Variants in SHE observed in about 807,000 individuals in gnomAD.
The protein encoded by SHE is Src homology 2 domain containing E.
Under a neutral mutation model 49.8 loss-of-function variants are expected in SHE, and 11 were observed. The ratio of observed to expected loss-of-function variants is 0.22; its 90% CI spans 0.14 to 0.37. The LOEUF is 0.37. SHE is among the 10% of genes least tolerant of loss of function. The pLI is 1.00. For synonymous variants in SHE, 310 were observed against 278.1 expected, an observed-to-expected ratio of 1.11 and a Z score of -1.14; for missense variants, 624 against 655.5, an observed-to-expected ratio of 0.95 and a Z score of 0.52.
At position 154,480,426 on chromosome 1, in the gene SHE, A is replaced by G; in HGVS notation, c.*3723T>C. 2.0e-6 allele frequency: 2 copies of G among 985,440 alleles called. No homozygotes were observed. The highest frequency in any genetic ancestry group is 2.4e-6 in the Non-Finnish European group (2 of 829,932). 61.0% of individuals were successfully genotyped at this position (985,440 alleles called of 1,614,324 possible). ...AGAATGCCTCACAGTTATTCTTCTG[A>G]ATATCAAGATGCATCCAGTAACAAC... On this transcript the variant is annotated 3_prime_UTR_variant, in exon 6 of 6. Transcript: ENST00000304760.
chr1:154,500,749 T>C (rs2149301354), intron 1 of SHE, among the ~76,000 whole-genome samples: 1 of 152,302 alleles, frequency 6.6e-6, no homozygotes, highest in East Asian at 1.9e-4. Context: ...AGTGTGTCCG[T>C]CGCAGGAAAC....
chr1:154,484,106 C>T lies in SHE; in HGVS notation c.*43G>A, dbSNP rs767970749. The T allele has an allele frequency of 1.3e-6, 2 of 1,590,652 alleles. No individual in the cohort carries two copies. The highest frequency in any genetic ancestry group is 1.7e-6 in the Non-Finnish European group (2 of 1,164,380). On this transcript the variant is annotated 3_prime_UTR_variant, in exon 6 of 6. Transcript: ENST00000304760. The stretch of plus-strand genomic sequence containing the variant: ...AGATGCTGGTTGTGCGCTGATGATG[C>T]CCTTGAAGGTGCCAGAGGCCCAGGG...
chr1:154,488,875 G>A (rs955630540), intron 3 of SHE, among the ~76,000 whole-genome samples, 176 bp downstream of exon 3: 6 of 152,232 alleles, frequency 3.9e-5, no homozygotes, highest in Non-Finnish European at 5.9e-5. Context: ...GCAAGCCACC[G>A]TGCCCAGCCA....
intron 1 of SHE, among the ~76,000 whole-genome samples, chr1:154,472,766 C>A (rs1220166367): frequency 6.6e-6 from 1 of 152,138 alleles, no homozygotes; most frequent in African/African-American, 2.4e-5. Context: ...AACTAGAAAA[C>A]AAAAATCTAT....
At chr1:154,477,710 G>A (rs947730251), downstream of SHE, among the ~76,000 whole-genome samples, 38 of 151,868 alleles carry the variant, frequency 2.5e-4, no homozygotes, top group Admixed American at 2.2e-3. Flanking sequence ...GGCCAACATG[G>A]TGAAACCCCG....
intron 2 of SHE, among the ~76,000 whole-genome samples, chr1:154,495,464 G>GT (rs1484005904): frequency 6.6e-6 from 1 of 152,068 alleles, no homozygotes; most frequent in Non-Finnish European, 1.5e-5. Flanking sequence ...ACTTTTAAAA[G>GT]TTAAGAGCAA....
Position 154,479,768 on chromosome 1 carries a change from G to A in SHE, c.*4381C>T. 3.0e-6 allele frequency: 3 copies of A among 985,376 alleles called. No homozygotes were observed. The highest frequency in any genetic ancestry group is 3.6e-6 in the Non-Finnish European group (3 of 829,922). 61.0% of individuals were successfully genotyped at this position (985,376 alleles called of 1,614,324 possible). ...GCCTGTTTCAATGATTCTGTTGCCA[G>A]CATATTAATTAAAATACAATTTGAG... is the stretch of plus-strand genomic sequence containing the variant. On this transcript the variant is annotated 3_prime_UTR_variant, in exon 6 of 6. Coordinates refer to ENST00000304760, the MANE Select transcript of SHE (RefSeq NM_001010846.3).
At position 154,501,488 on chromosome 1, in the gene SHE, G is replaced by A. The variant is rs1474953587; in HGVS notation, c.539C>T (p.Ser180Phe). 5 of 1,614,192 alleles carry A rather than the reference G, an allele frequency of 3.1e-6. No individual in the cohort carries two copies. The highest frequency in any genetic ancestry group is 4.2e-6 in the Non-Finnish European group (5 of 1,180,024). ...CTTGTCCAGCTCGGGCCCCAGGGAG[G>A]AAGGGGAAGAGGACGCGGAGGAAGA... is the stretch of plus-strand genomic sequence containing the variant. Reference protein sequence around the residue: ...SSSSSASSSPSSLGPELDKGK... With the variant: ...SSSSSASSSPFSLGPELDKGK... Residue 180 changes from serine to phenylalanine, a missense_variant, in exon 1 of 6, where the codon TCC becomes TTC. By Grantham distance (155) the Ser-to-Phe change is radical. This residue lies in a region of SHE where 337 missense variants were observed against 306.0 expected (regional missense o/e 1.10). Coordinates refer to ENST00000304760, the MANE Select transcript of SHE (RefSeq NM_001010846.3).
At chr1:154,488,172 A>G (rs908819863) in intron 3 of SHE, among the ~76,000 whole-genome samples, 3 of 151,814 alleles carry the variant, frequency 2.0e-5, no homozygotes, top group African/African-American at 7.3e-5. Flanking sequence ...CCAGCTCTTG[A>G]CCTCATGATC....
chr1:154,502,055 G>A lies in SHE; in HGVS notation c.-29C>T. On this transcript the variant is annotated 5_prime_UTR_variant, in exon 1 of 6. Transcript: ENST00000304760. ...CCGTGACTGGGGCGCTGGAGGCCGCGGCGAGGCCCCGCGACGGCTGCTCCG... is the reference window on the plus strand; with the variant it reads ...CCGTGACTGGGGCGCTGGAGGCCGCAGCGAGGCCCCGCGACGGCTGCTCCG... 7.9e-7 allele frequency: 1 copy of A among 1,264,194 alleles called. No individual in the cohort carries two copies. Among genetic ancestry groups the A allele is most frequent in the Non-Finnish European group, 9.9e-7 (1 of 1,007,862 alleles). The allele number at this position is 1,264,194 out of a possible 1,614,324, so 78.3% of individuals were successfully genotyped here.
At position 154,489,096 on chromosome 1, in the gene SHE, G is replaced by T; in HGVS notation, c.979C>A (p.Gln327Lys). The change falls in exon 3 of 6, where the codon CAG (glutamine) becomes AAG (lysine). Residue 327 changes from glutamine to lysine, a missense_variant. By Grantham distance (53) the Gln-to-Lys change is moderately conservative. Transcript: ENST00000304760. Reference protein sequence around the residue: ...NDERPAAEYEQPWEWKKEQIV... With the variant: ...NDERPAAEYEKPWEWKKEQIV... ...TGCTCCTTCTTCCACTCCCATGGCT[G>T]CTCGTACTCTGCCGCGGGCCTCTCG... 2 of 1,610,698 alleles carry T rather than the reference G, an allele frequency of 1.2e-6. No homozygotes were observed. The highest frequency in any genetic ancestry group is 1.7e-6 in the Non-Finnish European group (2 of 1,177,818).
At position 154,489,341 on chromosome 1, in the gene SHE, C is replaced by G; in HGVS notation, c.734G>C (p.Gly245Ala). The change falls in exon 3 of 6, where the codon GGT becomes GCT. Residue 245 changes from glycine (G) to alanine (A), a missense_variant. By Grantham distance (60) the Gly-to-Ala change is moderately conservative (BLOSUM62 0). Around this residue, in one of 4 missense-constraint regions of SHE, gnomAD observed 155 missense variants for 142.0 expected, o/e 1.09. Transcript: ENST00000304760. Reference sequence around the variant, plus strand: ...AGCCTTCACCAGGGGATCTTTGGAACCCCGTCGTCTAATTTCTGAAAAACA... The same window carrying G: ...AGCCTTCACCAGGGGATCTTTGGAAGCCCGTCGTCTAATTTCTGAAAAACA... The part of the protein sequence containing the change: ...QQMITEIRRR[G>A]SKDPLVKALQ... 1 of 1,612,890 alleles carries G rather than the reference C, an allele frequency of 6.2e-7. No individual in the cohort carries two copies.
chr1:154,493,520 G>A (rs538468201), intron 2 of SHE, among the ~76,000 whole-genome samples: 4 of 152,206 alleles, frequency 2.6e-5, no homozygotes, highest in East Asian at 1.9e-4. Flanking sequence ...TGCAGGGGAC[G>A]GGCAGCAGAT....
chr1:154,482,779 A>C lies in SHE; in HGVS notation c.*1370T>G. On this transcript the variant is annotated 3_prime_UTR_variant, in exon 6 of 6. Coordinates refer to ENST00000304760, the MANE Select transcript of SHE (RefSeq NM_001010846.3). ...TATGAATCTTAAGTAATGGTATTTA[A>C]GAGAAAACCTCTAGGTCTTTTCAAA... 3 of 985,412 alleles carry C rather than the reference A, an allele frequency of 3.0e-6. No individual in the cohort carries two copies. The highest frequency in any genetic ancestry group is 2.4e-6 in the Non-Finnish European group (2 of 829,888). The allele number at this position is 985,412 out of a possible 1,614,324, so 61.0% of individuals were successfully genotyped here.
Position 154,501,653 on chromosome 1 carries a change from G to A in SHE, c.374C>T (p.Ala125Val). The A allele has an allele frequency of 1.9e-6, 3 of 1,614,104 alleles. No homozygotes were observed. The highest frequency in any genetic ancestry group is 1.1e-5 in the South Asian group (1 of 91,078). ...AAGKGRKNSR[A>V]TEEEPHRGAT... is the part of the protein sequence containing the mutation. ...ACCCCGGTGGGGCTCCTCCTCCGTG[G>A]CCCGGGAGTTTTTGCGGCCCTTGCC... Residue 125 changes from alanine (A) to valine (V), a missense_variant, in exon 1 of 6, where the codon GCC becomes GTC. By Grantham distance (64) the Ala-to-Val change is moderately conservative (BLOSUM62 0). This residue lies in a region of SHE where 337 missense variants were observed against 306.0 expected (regional missense o/e 1.10). Transcript: ENST00000304760.
rs561939406 is a variant in SHE at position 154,481,061 on chromosome 1, T to C, written c.*3088A>G. The C allele has an allele frequency of 5.9e-5, 58 of 985,358 alleles. No homozygotes were observed. In the African/African-American group the frequency reaches 9.4e-4, roughly 16 times the overall value. 61.0% of individuals were successfully genotyped at this position (985,358 alleles called of 1,614,324 possible). ...CGAAGGAATGAGGACTACAGGAAAA[T>C]ACTTGTCTCAAGACAAAATGACAAA... On this transcript the variant is annotated 3_prime_UTR_variant, in exon 6 of 6. Coordinates refer to ENST00000304760, the MANE Select transcript of SHE (RefSeq NM_001010846.3).
At chr1:154,487,339 C>T (rs1176225415) in intron 3 of SHE, among the ~76,000 whole-genome samples, 4 of 150,514 alleles carry the variant, frequency 2.7e-5, no homozygotes, top group Non-Finnish European at 5.9e-5. Context: ...AACATAGTTA[C>T]AGGTAATGAA....
chr1:154,478,732 C>T (rs560693341), downstream of SHE, among the ~76,000 whole-genome samples: 210 of 152,306 alleles, frequency 1.4e-3, no homozygotes, highest in African/African-American at 4.7e-3. Context: ...CTTGTAAACA[C>T]GTGTTCAATC....
rs1692008796 is a variant in SHE at position 154,481,137 on chromosome 1, C to T, written c.*3012G>A. The stretch of plus-strand genomic sequence containing the variant: ...AACATGTCACAGAGCTTCAGATCAG[C>T]TGGCCATGGAGGTTTAACAAGGAAG... On this transcript the variant is annotated 3_prime_UTR_variant, in exon 6 of 6. Coordinates refer to ENST00000304760, the MANE Select transcript of SHE (RefSeq NM_001010846.3). 7 of 985,310 alleles carry T rather than the reference C, an allele frequency of 7.1e-6. 1 individual carries two copies. In the South Asian group the frequency reaches 2.8e-4, roughly 40 times the overall value. 61.0% of individuals were successfully genotyped at this position (985,310 alleles called of 1,614,324 possible).
Sources: gnomAD v4.1 joint callset for allele counts (sites outside exome capture counted in the v4.1 genomes callset) on GRCh38, gnomAD v4.1.1 for gene constraint, gnomAD v4.1.1 regional missense constraint, MANE v1.5 for transcripts, NCBI Gene and HGNC (gene_info 2026-07-23, HGNC 2026-07-21) for gene names.